The following AGK variants were observed in gnomAD, a reference collection of about 807,000 sequenced individuals.
AGK encodes acylglycerol kinase, also known as acylglycerol kinase, mitochondrial.
Under a neutral mutation model 66.4 loss-of-function variants are expected in AGK, and 52 were observed. The observed-to-expected ratio is 0.78, with a 90% CI of 0.63 to 0.99. The LOEUF (loss-of-function observed/expected upper bound fraction) is 0.99. AGK is among the 50% of genes least tolerant of loss of function. The probability of loss-of-function intolerance (pLI) is 0.00; values close to 1 mark genes in which losing one functional copy is unlikely to be tolerated. For missense variants in AGK, 451 were observed against 506.6 expected, an observed-to-expected ratio of 0.89 and a Z score of 1.05; for synonymous variants, 182 against 181.1, an observed-to-expected ratio of 1.00 and a Z score of -0.04.
intron 2 of AGK, among the ~76,000 whole-genome samples, chr7:141,592,521 G>A (rs1796143443): frequency 6.6e-6 from 1 of 152,080 alleles, no homozygotes; most frequent in African/African-American, 2.4e-5. Context: ...AATCATGTCT[G>A]TAAAATCCCT....
At chr7:141,620,268 C>A (rs1391336836) in intron 8 of AGK, among the ~76,000 whole-genome samples, 5 of 152,086 alleles carry the variant, frequency 3.3e-5, no homozygotes, top group African/African-American at 9.7e-5. Flanking sequence ...TATATGACTG[C>A]AGCTTTTGTC....
chr7:141,571,144 ATATT>A (rs1795598018), intron 2 of AGK, among the ~76,000 whole-genome samples: 1 of 152,176 alleles, frequency 6.6e-6, no homozygotes, highest in Non-Finnish European at 1.5e-5. Flanking sequence ...ACCTATTAAA[ATATT>A]TATCTCCAGT....
intron 8 of AGK, chr7:141,615,816 T>C (rs1796690679): frequency 2.2e-6 from 1 of 454,848 alleles, no homozygotes; most frequent in African/African-American, 2.0e-5. Flanking sequence ...GTTATGAAGA[T>C]AATATCCCTG....
intron 3 of AGK, 181 bp downstream of exon 3, chr7:141,593,366 C>G (rs1005739217): frequency 4.2e-6 from 3 of 711,856 alleles, no homozygotes; most frequent in Non-Finnish European, 7.7e-6. Flanking sequence ...AGTTAACCAT[C>G]TGGTGAAGAG....
chr7:141,631,875 G>A (rs558561679), intron 9 of AGK, among the ~76,000 whole-genome samples: 3 of 152,256 alleles, frequency 2.0e-5, no homozygotes, highest in South Asian at 4.1e-4. Context: ...GATTTCTCAT[G>A]TACTTCAGGT....
intron 2 of AGK, among the ~76,000 whole-genome samples, chr7:141,583,356 G>A (rs1179359136): frequency 6.6e-6 from 1 of 151,420 alleles, no homozygotes; most frequent in Non-Finnish European, 1.5e-5. Flanking sequence ...TGGAGAGAAG[G>A]GGTGGGGGTG....
Position 141,655,016 on chromosome 7 carries a change from T to C in AGK, c.*2092T>C, listed in dbSNP as rs1409199086. On this transcript the variant is annotated 3_prime_UTR_variant, in exon 16 of 16. Transcript: ENST00000649286. ...TAGGGAGGAAGGATGCTGTAGTATA[T>C]GAAAACAAAAGTTTTCACCTGAGCT... 1 of 152,228 alleles carries C rather than the reference T, an allele frequency of 6.6e-6. No individual in the cohort carries two copies. The highest frequency in any genetic ancestry group is 6.5e-5 in the Admixed American group (1 of 15,290). 9.4% of individuals were successfully genotyped at this position (152,228 alleles called of 1,614,324 possible).
intron 2 of AGK, among the ~76,000 whole-genome samples, chr7:141,587,809 A>G (rs560387756): frequency 6.6e-6 from 1 of 152,360 alleles, no homozygotes; most frequent in Admixed American, 6.5e-5. Flanking sequence ...CTACTAAACT[A>G]TAAACTTCAC....
chr7:141,649,806 G>A (rs1797512384), intron 14 of AGK, among the ~76,000 whole-genome samples: 1 of 152,236 alleles, frequency 6.6e-6, no homozygotes. Flanking sequence ...GCACTTCACA[G>A]TATCCATTAC....
intron 2 of AGK, among the ~76,000 whole-genome samples, chr7:141,586,585 A>G (rs960191094): frequency 2.6e-5 from 4 of 152,192 alleles, no homozygotes; most frequent in South Asian, 2.1e-4. Context: ...GAAGGAAAAT[A>G]AGAAAAGCAG....
intron 1 of AGK, among the ~76,000 whole-genome samples, chr7:141,553,102 T>C (rs1166925346): frequency 6.6e-6 from 1 of 152,182 alleles, no homozygotes; most frequent in African/African-American, 2.4e-5. Context: ...GGTGCCAGCA[T>C]GGTTGAGTGC....
chr7:141,589,957 T>G (rs1053898718), intron 2 of AGK, among the ~76,000 whole-genome samples: 7 of 152,232 alleles, frequency 4.6e-5, no homozygotes, highest in Admixed American at 6.5e-5. Flanking sequence ...GATATTCCAT[T>G]TGGCACATTA....
At position 141,615,094 on chromosome 7, in the gene AGK, G is replaced by T. The variant is rs1166961714; in HGVS notation, c.424-377G>T. 3.9e-5 allele frequency among the ~76,000 whole-genome samples: 6 copies of T among 152,244 alleles called. No individual in the cohort carries two copies. The South Asian group carries it at 1.2e-3, about 32-fold the overall frequency. On this transcript the variant is annotated intron_variant, in intron 7 of 15. Transcript: ENST00000649286. ...ACCTGTCATTGGTCACTGTATAAAT[G>T]GTAGACATTTTTAGTTGAATTTTAT...
At chr7:141,612,224 A>G (rs2116957361) in intron 6 of AGK, among the ~76,000 whole-genome samples, 1 of 152,330 alleles carries the variant, frequency 6.6e-6, no homozygotes, top group East Asian at 1.9e-4. Flanking sequence ...GGATAGTCTG[A>G]AAAGACTACA....
intron 2 of AGK, among the ~76,000 whole-genome samples, chr7:141,570,550 A>G (rs1795579214): frequency 6.6e-6 from 1 of 152,134 alleles, no homozygotes; most frequent in African/African-American, 2.4e-5. Context: ...GAATAGTATA[A>G]TGAATCCCCA....
chr7:141,615,452 CTCT>C lies in AGK; in HGVS notation c.424-14_424-12del. On this transcript the variant is annotated splice_polypyrimidine_tract_variant and intron_variant, in intron 7 of 15. Transcript: ENST00000649286. ...TTCTGATCATAACAATAAAACTTTC[CTCT>C]TCTTTCCCCCCCCAGGCTACCTTCA... The C allele has an allele frequency of 6.2e-7, 1 of 1,604,410 alleles. No homozygotes were observed. The highest frequency in any genetic ancestry group is 8.5e-7 in the Non-Finnish European group (1 of 1,171,600).
At chr7:141,640,305 A>T (rs1207907571) in intron 11 of AGK, among the ~76,000 whole-genome samples, 1 of 152,138 alleles carries the variant, frequency 6.6e-6, no homozygotes, top group Non-Finnish European at 1.5e-5. Flanking sequence ...CCACATGAAA[A>T]TTAGAAGCAG....
intron 9 of AGK, among the ~76,000 whole-genome samples, chr7:141,625,665 A>T (rs189272058): frequency 1.7e-3 from 259 of 152,284 alleles, no homozygotes; most frequent in Middle Eastern, 6.8e-3. Flanking sequence ...TAAATATAAA[A>T]TACTTAGGAC....
chr7:141,604,902 A>G (rs1796424882), intron 5 of AGK, among the ~76,000 whole-genome samples: 1 of 152,066 alleles, frequency 6.6e-6, no homozygotes, highest in Admixed American at 6.6e-5. Flanking sequence ...TCTGCATCCA[A>G]TCTGGGATCA....
Sources: allele counts gnomAD v4.1 joint callset (sites outside exome capture counted in the v4.1 genomes callset), GRCh38; gene constraint gnomAD v4.1.1; transcripts MANE v1.5; gene names NCBI Gene and HGNC (gene_info 2026-07-23, HGNC 2026-07-21).